Variants in SHLD1 observed in about 807,000 individuals in gnomAD.
The protein encoded by SHLD1 is RINN1-REV7-interacting novel NHEJ regulator 3.
Under a neutral mutation model 5.5 loss-of-function variants are expected in SHLD1, and 3 were observed. That is an observed-to-expected ratio of 0.54 (90% CI 0.25 to 1.40). SHLD1 has a LOEUF of 1.40. Among genes scored for constraint, SHLD1 ranks in the 40% most tolerant of loss-of-function variants. The pLI is 0.15. For missense variants in SHLD1, 210 were observed against 244.4 expected, an observed-to-expected ratio of 0.86 and a Z score of 0.94; for synonymous variants, 92 against 94.3, an observed-to-expected ratio of 0.98 and a Z score of 0.14.
intron 2 of SHLD1, among the ~76,000 whole-genome samples, chr20:5,779,930 G>A (rs1409087377): frequency 1.3e-5 from 2 of 150,250 alleles, no homozygotes; most frequent in Admixed American, 1.3e-4. Flanking sequence ...CCAAGCTTTG[G>A]TCATTAGGAT....
intron 2 of SHLD1, among the ~76,000 whole-genome samples, chr20:5,788,452 C>T (rs1156251225): frequency 2.0e-5 from 3 of 152,168 alleles, no homozygotes; most frequent in African/African-American, 7.2e-5. Context: ...ATGTTTTCAG[C>T]CAATAATACC....
At chr20:5,804,321 T>G (rs1259350173) in intron 2 of SHLD1, among the ~76,000 whole-genome samples, 2 of 144,908 alleles carry the variant, frequency 1.4e-5, no homozygotes, top group Non-Finnish European at 3.0e-5. Flanking sequence ...ATATAGTTAC[T>G]GTAAGACATT....
chr20:5,856,078 C>A (rs2088079806), intron 2 of SHLD1, among the ~76,000 whole-genome samples: 1 of 152,306 alleles, frequency 6.6e-6, no homozygotes, highest in Middle Eastern at 3.4e-3. Flanking sequence ...TGACACAGAT[C>A]TCTGGGTAAT....
At chr20:5,815,445 A>G (rs1404725585) in intron 2 of SHLD1, among the ~76,000 whole-genome samples, 1 of 152,236 alleles carries the variant, frequency 6.6e-6, no homozygotes, top group African/African-American at 2.4e-5. Context: ...GTGGAGGCCA[A>G]TGATGTGTAA....
chr20:5,775,086 T>C (rs534568734), intron 2 of SHLD1, among the ~76,000 whole-genome samples: 1 of 152,270 alleles, frequency 6.6e-6, no homozygotes, highest in South Asian at 2.1e-4. Flanking sequence ...GTGCCTAGGC[T>C]GGAATACTGT....
intron 2 of SHLD1, among the ~76,000 whole-genome samples, chr20:5,814,639 TTTCTTTTTCTTC>T (rs2087503203): frequency 1.3e-5 from 2 of 151,454 alleles, no homozygotes; most frequent in Admixed American, 1.3e-4. Context: ...AAAATTACTT[TTTCTTTTTCTTC>T]TTCTTTTTTT....
Position 5,848,577 on chromosome 20 carries a change from T to C in SHLD1, c.179-14447T>C, listed in dbSNP as rs190509302. On this transcript the variant is annotated intron_variant, in intron 2 of 2. Coordinates refer to ENST00000303142, the MANE Select transcript of SHLD1 (RefSeq NM_152504.4). ...GAAGAAACAGTCAGCTTTAAGTGTTTCATAAGAAGAAAGTTTTGAAGCAAA... is the reference window on the plus strand; with the variant it reads ...GAAGAAACAGTCAGCTTTAAGTGTTCCATAAGAAGAAAGTTTTGAAGCAAA... Among the ~76,000 whole-genome samples, 309 of 152,312 alleles carry C rather than the reference T, an allele frequency of 2.0e-3. 1 individual carries two copies. The highest frequency in any genetic ancestry group is 7.3e-3 in the African/African-American group (302 of 41,564).
chr20:5,828,999 G>A (rs1423887454), intron 2 of SHLD1, among the ~76,000 whole-genome samples: 1 of 152,124 alleles, frequency 6.6e-6, no homozygotes, highest in Non-Finnish European at 1.5e-5. Context: ...TCAGCCTCCT[G>A]AGTAGCCGAG....
intron 2 of SHLD1, among the ~76,000 whole-genome samples, chr20:5,778,464 G>A (rs1171749796): frequency 6.6e-6 from 1 of 151,736 alleles, no homozygotes; most frequent in East Asian, 1.9e-4. Flanking sequence ...AAAATTAGCC[G>A]GGTGTGGTGG....
intron 2 of SHLD1, among the ~76,000 whole-genome samples, chr20:5,779,968 TTC>T (rs370074081): frequency 8.8e-5 from 13 of 147,056 alleles, no homozygotes; most frequent in African/African-American, 3.3e-4. Flanking sequence ...TTTTTACAAT[TTC>T]TGTTTTTTTT....
At chr20:5,846,609 G>A (rs984232169) in intron 2 of SHLD1, among the ~76,000 whole-genome samples, 4 of 152,200 alleles carry the variant, frequency 2.6e-5, no homozygotes, top group African/African-American at 9.6e-5. Flanking sequence ...CTGAATGATT[G>A]TTTTAAGTGT....
rs906993226 is a variant in SHLD1, at chr20:5,863,883, C to T, written c.*420C>T. The T allele has an allele frequency of 6.3e-6, 1 of 159,194 alleles. No homozygotes were observed. Among genetic ancestry groups the T allele is most frequent in the Non-Finnish European group, 1.4e-5 (1 of 73,004 alleles). The allele number at this position is 159,194 out of a possible 1,614,324, so 9.9% of individuals were successfully genotyped here. ...ATTTATTTACTGGTGTCTCTGGGAGCCTTTCCTTAATAAACCTCTTATATC... is the reference window on the plus strand; with the variant it reads ...ATTTATTTACTGGTGTCTCTGGGAGTCTTTCCTTAATAAACCTCTTATATC... On this transcript the variant is annotated 3_prime_UTR_variant, in exon 3 of 3. Coordinates refer to ENST00000303142, the MANE Select transcript of SHLD1 (RefSeq NM_152504.4).
intron 2 of SHLD1, among the ~76,000 whole-genome samples, chr20:5,823,482 G>A (rs1193475651): frequency 2.0e-5 from 3 of 147,802 alleles, no homozygotes; most frequent in Admixed American, 6.8e-5. Flanking sequence ...GAGTTTTGCT[G>A]TTGTCACCAG....
chr20:5,764,158 TTATATA>T (rs1204952037), intron 1 of SHLD1, among the ~76,000 whole-genome samples: 1 of 72,048 alleles, frequency 1.4e-5, no homozygotes, highest in African/African-American at 5.2e-5. Flanking sequence ...ATATTTATAT[TTATATA>T]TATATATATA....
intron 2 of SHLD1, among the ~76,000 whole-genome samples, chr20:5,839,267 A>G (rs1238658535): frequency 1.3e-5 from 2 of 152,214 alleles, no homozygotes; most frequent in Non-Finnish European, 2.9e-5. Flanking sequence ...TCAAAATTAT[A>G]ATCTTTTAAA....
At chr20:5,857,031 G>T (rs1319379025) in intron 2 of SHLD1, among the ~76,000 whole-genome samples, 1 of 152,124 alleles carries the variant, frequency 6.6e-6, no homozygotes, top group Non-Finnish European at 1.5e-5. Flanking sequence ...GCCCAGGCTG[G>T]AGTGCAGTGG....
At chr20:5,819,194 G>C (rs779973252) in intron 2 of SHLD1, among the ~76,000 whole-genome samples, 22 of 151,962 alleles carry the variant, frequency 1.4e-4, no homozygotes, top group Non-Finnish European at 2.6e-4. Context: ...CCCACTCCTC[G>C]GTCTGAGCAC....
intron 2 of SHLD1, among the ~76,000 whole-genome samples, 190 bp from the exon 3 acceptor site, chr20:5,862,834 G>A (rs971045579): frequency 2.6e-5 from 4 of 152,288 alleles, no homozygotes; most frequent in East Asian, 1.9e-4. Context: ...ATATGTTCTC[G>A]TTGTGAGCAA....
At chr20:5,811,269 C>G (rs543492552) in intron 2 of SHLD1, among the ~76,000 whole-genome samples, 1 of 152,138 alleles carries the variant, frequency 6.6e-6, no homozygotes, top group South Asian at 2.1e-4. Context: ...TCCCTTAATT[C>G]TTGGAGAGAG....
Sources: gnomAD v4.1 joint callset for allele counts (sites outside exome capture counted in the v4.1 genomes callset) on GRCh38, gnomAD v4.1.1 for gene constraint, MANE v1.5 for transcripts, NCBI Gene and HGNC (gene_info 2026-07-23, HGNC 2026-07-21) for gene names.